Variants in PPP2R2B observed in about 807,000 individuals in gnomAD.
The protein encoded by PPP2R2B is serine/threonine-protein phosphatase 2A 55 kDa regulatory subunit B beta isoform.
Under a neutral mutation model 46.0 loss-of-function variants are expected in PPP2R2B, and 5 were observed. The ratio of observed to expected loss-of-function variants is 0.11; its 90% CI spans 0.06 to 0.23. PPP2R2B has a LOEUF of 0.23. Ranked by LOEUF, PPP2R2B falls within the 10% of genes least tolerant of loss-of-function variation. PPP2R2B has a pLI of 1.00. For missense variants in PPP2R2B, 367 were observed against 575.0 expected, an observed-to-expected ratio of 0.64 and a Z score of 3.70; for synonymous variants, 215 against 206.7, an observed-to-expected ratio of 1.04 and a Z score of -0.34.
chr5:146,752,639 T>A (rs1044974274), intron 2 of PPP2R2B, among the ~76,000 whole-genome samples: 3 of 152,146 alleles, frequency 2.0e-5, no homozygotes, highest in African/African-American at 7.2e-5. Context: ...ATGTGTGAGA[T>A]AAGTTAAGTC....
At chr5:146,876,468 A>G (rs1285460551) in intron 2 of PPP2R2B, among the ~76,000 whole-genome samples, 1 of 152,224 alleles carries the variant, frequency 6.6e-6, no homozygotes, top group Non-Finnish European at 1.5e-5. Context: ...AAAAGCCAAC[A>G]GACCCAAGGC....
intron 1 of PPP2R2B, among the ~76,000 whole-genome samples, chr5:147,012,494 G>A (rs559241069): frequency 6.6e-6 from 1 of 152,056 alleles, no homozygotes; most frequent in African/African-American, 2.4e-5. Flanking sequence ...TCTTGCTAGT[G>A]GTTTATCAAT....
At chr5:147,046,821 G>T (rs904148229) in intron 1 of PPP2R2B, among the ~76,000 whole-genome samples, 11 of 152,088 alleles carry the variant, frequency 7.2e-5, no homozygotes, top group African/African-American at 2.7e-4. Flanking sequence ...GAGAATGCCT[G>T]GTGCTCAGTT....
chr5:147,008,044 T>C (rs1318296857), intron 1 of PPP2R2B, among the ~76,000 whole-genome samples: 1 of 152,172 alleles, frequency 6.6e-6, no homozygotes, highest in Non-Finnish European at 1.5e-5. Context: ...TTGGATCGAT[T>C]CTTCTTATTT....
intron 2 of PPP2R2B, among the ~76,000 whole-genome samples, chr5:146,745,186 GAGAGAGAGAGAGAGAGAGAGAA>G (rs1190833557): frequency 1.8e-4 from 23 of 130,538 alleles, no homozygotes; most frequent in Admixed American, 2.5e-4. Context: ...GAGAGAGAGA[GAGAGAGAGAGAGAGAGAGAGAA>G]AGAGACTATA....
chr5:146,936,585 T>C (rs1395826039), intron 1 of PPP2R2B, among the ~76,000 whole-genome samples: 1 of 141,614 alleles, frequency 7.1e-6, no homozygotes, highest in African/African-American at 2.5e-5. Context: ...GCTTTTCACA[T>C]CACTAGGCTC....
intron 2 of PPP2R2B, among the ~76,000 whole-genome samples, chr5:146,723,633 C>G (rs2151196871): frequency 6.6e-6 from 1 of 152,228 alleles, no homozygotes; most frequent in Non-Finnish European, 1.5e-5. Context: ...AGGATAAAAT[C>G]CAGACCTCCT....
chr5:146,987,042 A>G (rs1753464270), intron 1 of PPP2R2B, among the ~76,000 whole-genome samples: 1 of 152,182 alleles, frequency 6.6e-6, no homozygotes, highest in Admixed American at 6.5e-5. Context: ...AAGGAGCTCC[A>G]ATATGTCTGG....
chr5:147,069,286 A>G (rs750743315), intron 2 of PPP2R2B, among the ~76,000 whole-genome samples: 7 of 152,300 alleles, frequency 4.6e-5, no homozygotes, highest in Non-Finnish European at 8.8e-5. Context: ...AAACAAAAAG[A>G]GTTGAGTTTA....
intron 1 of PPP2R2B, among the ~76,000 whole-genome samples, chr5:146,915,146 G>A (rs1763335853): frequency 6.6e-6 from 1 of 151,888 alleles, no homozygotes; most frequent in Non-Finnish European, 1.5e-5. Flanking sequence ...TCTTTCATCT[G>A]GGCTTGGTAA....
chr5:146,914,070 C>T (rs549797515), intron 1 of PPP2R2B: 55 of 149,570 alleles, frequency 3.7e-4, no homozygotes, highest in African/African-American at 1.3e-3. Context: ...ATTTAATTTC[C>T]AATGTTTGAA....
Position 146,581,188 on chromosome 5 carries a change from T to TAC in PPP2R2B, c.*8757_*8758dup, listed in dbSNP as rs1421001927. ...AATTGGCTCATGGTTCCACAGGCTG[T>TAC]ACAGGAAGCATGGTGCTGACATCTG... On this transcript the variant is annotated 3_prime_UTR_variant, in exon 10 of 10. Transcript: ENST00000394411. 1 of 152,174 alleles carries TAC rather than the reference T, an allele frequency of 6.6e-6. No homozygotes were observed. The highest frequency in any genetic ancestry group is 1.9e-4 in the East Asian group (1 of 5,194). The allele number at this position is 152,174 out of a possible 1,614,324, so 9.4% of individuals were successfully genotyped here.
At chr5:146,825,206 A>G (rs1758504679) in intron 2 of PPP2R2B, among the ~76,000 whole-genome samples, 1 of 152,148 alleles carries the variant, frequency 6.6e-6, no homozygotes, top group South Asian at 2.1e-4. Context: ...CATGCTGTGT[A>G]TGGAACAACC....
chr5:146,931,467 C>G (rs796881321), intron 1 of PPP2R2B, among the ~76,000 whole-genome samples: 16 of 152,188 alleles, frequency 1.1e-4, no homozygotes, highest in African/African-American at 3.9e-4. Flanking sequence ...TCAACTTAAC[C>G]CCAGTCAAGG....
At chr5:146,723,031 T>G (rs1204136869) in intron 2 of PPP2R2B, among the ~76,000 whole-genome samples, 2 of 152,192 alleles carry the variant, frequency 1.3e-5, no homozygotes, top group Non-Finnish European at 2.9e-5. Context: ...CTCCAGGAAG[T>G]CTTCCTTGAC....
chr5:146,704,124 C>A (rs532613243), intron 2 of PPP2R2B, among the ~76,000 whole-genome samples: 83 of 152,178 alleles, frequency 5.5e-4, no homozygotes, highest in Admixed American at 1.3e-3. Flanking sequence ...TTTACTGCCC[C>A]ATCCATCTCT....
At chr5:146,598,336 A>G (rs552782611) in intron 8 of PPP2R2B, among the ~76,000 whole-genome samples, 3 of 152,196 alleles carry the variant, frequency 2.0e-5, no homozygotes, top group Admixed American at 2.0e-4. Flanking sequence ...CTCACTGGCT[A>G]GTTTCCCCAA....
intron 3 of PPP2R2B, among the ~76,000 whole-genome samples, 154 bp from the exon 4 acceptor site, chr5:146,698,298 GAAAA>G (rs779839513): frequency 4.8e-4 from 7 of 14,494 alleles, no homozygotes; most frequent in African/African-American, 2.2e-3. Context: ...TAGCACCTCT[GAAAA>G]AAAAAAAAAA....
chr5:146,810,752 C>T (rs1011695692), intron 2 of PPP2R2B, among the ~76,000 whole-genome samples: 11 of 150,726 alleles, frequency 7.3e-5, no homozygotes, highest in Non-Finnish European at 1.6e-4. Flanking sequence ...ACTTTAAGTT[C>T]TAGGGTACAT....
Sources: allele counts gnomAD v4.1 joint callset (sites outside exome capture counted in the v4.1 genomes callset), GRCh38; gene constraint gnomAD v4.1.1; transcripts MANE v1.5; gene names NCBI Gene and HGNC (gene_info 2026-07-23, HGNC 2026-07-21).